SUCLA2: variants seen among roughly 807,000 people sequenced by gnomAD.
SUCLA2 encodes succinate-CoA ligase ADP-forming subunit beta.
Under a neutral mutation model 54.8 loss-of-function variants are expected in SUCLA2, and 30 were observed. The observed-to-expected ratio is 0.55, with a 90% CI of 0.41 to 0.74. The LOEUF (loss-of-function observed/expected upper bound fraction) is 0.74. Ranked by LOEUF, SUCLA2 falls within the 30% of genes least tolerant of loss-of-function variation. The pLI is 0.00. For synonymous variants in SUCLA2, 172 were observed against 188.9 expected, an observed-to-expected ratio of 0.91 and a Z score of 0.74; for missense variants, 476 against 562.9, an observed-to-expected ratio of 0.85 and a Z score of 1.56.
chr13:47,998,637 G>GC (rs1950207250), intron 1 of SUCLA2, among the ~76,000 whole-genome samples: 1 of 152,166 alleles, frequency 6.6e-6, no homozygotes, highest in African/African-American at 2.4e-5. Flanking sequence ...AGAGAAAGAA[G>GC]CCAGAAACAA....
At chr13:47,991,183 C>T (rs769069431) in intron 2 of SUCLA2, among the ~76,000 whole-genome samples, 1 of 152,234 alleles carries the variant, frequency 6.6e-6, no homozygotes, top group Non-Finnish European at 1.5e-5. Context: ...CTACTTAAAA[C>T]CTTGCACTGA....
intron 6 of SUCLA2, among the ~76,000 whole-genome samples, chr13:47,959,507 G>GGAA (rs1263634190): frequency 1.5e-4 from 1 of 6,876 alleles, no homozygotes; most frequent in Non-Finnish European, 4.6e-4. Flanking sequence ...AGCGGGGGGA[G>GGAA]GAGGAGGAGG....
intron 8 of SUCLA2, among the ~76,000 whole-genome samples, chr13:47,951,672 T>C (rs370327622): frequency 1.1e-3 from 173 of 152,294 alleles, no homozygotes; most frequent in Middle Eastern, 6.8e-3. Flanking sequence ...TTCATAAGCC[T>C]TCTATCCCAT....
chr13:47,992,169 T>C (rs1950155006), intron 2 of SUCLA2, among the ~76,000 whole-genome samples: 1 of 152,200 alleles, frequency 6.6e-6, no homozygotes, highest in African/African-American at 2.4e-5. Context: ...TTTACTGAGC[T>C]AAATTCAATC....
chr13:48,000,600 T>C (rs917270067), intron 1 of SUCLA2, among the ~76,000 whole-genome samples: 4 of 152,218 alleles, frequency 2.6e-5, no homozygotes, highest in Admixed American at 1.3e-4. Flanking sequence ...AAAAGATTAT[T>C]TTCTTACCTC....
In SUCLA2 at chr13:47,988,465, A is replaced by C; in HGVS notation, c.534+76T>G. 1.3e-5 allele frequency: 19 copies of C among 1,516,466 alleles called. 1 individual carries two copies. In the South Asian group the frequency reaches 2.1e-4, roughly 17 times the overall value. The allele number at this position is 1,516,466 out of a possible 1,614,324, so 93.9% of individuals were successfully genotyped here. ...GTACTTTTAAAATCTTTCCCACATA[A>C]ATAGAAACAATAATGGACTTTTGAA... On this transcript the variant is annotated intron_variant, in intron 4 of 10. Transcript: ENST00000646932.
At chr13:47,962,651 T>C (rs914104704) in intron 6 of SUCLA2, among the ~76,000 whole-genome samples, 3 of 152,222 alleles carry the variant, frequency 2.0e-5, no homozygotes, top group Non-Finnish European at 4.4e-5. Flanking sequence ...CTTTGATTCC[T>C]GGGTGGCTAC....
chr13:47,975,253 C>G (rs1190138602), intron 4 of SUCLA2, among the ~76,000 whole-genome samples: 1 of 151,932 alleles, frequency 6.6e-6, no homozygotes, highest in East Asian at 1.9e-4. Context: ...CTCCGCCCCC[C>G]AGGTTCAAGG....
chr13:47,948,307 T>C (rs1949749820), intron 10 of SUCLA2, among the ~76,000 whole-genome samples: 1 of 152,294 alleles, frequency 6.6e-6, no homozygotes, highest in East Asian at 1.9e-4. Context: ...TTTTGTTTTT[T>C]CAATATATAT....
At chr13:47,945,774 G>A (rs985604083) in intron 10 of SUCLA2, 6 of 151,880 alleles carry the variant, frequency 4.0e-5, no homozygotes, top group East Asian at 1.9e-4. Context: ...AGAAATTCCA[G>A]AAATAAAAAA....
At chr13:47,994,295 T>C (rs1340806173) in intron 2 of SUCLA2, among the ~76,000 whole-genome samples, 1 of 151,068 alleles carries the variant, frequency 6.6e-6, no homozygotes, top group South Asian at 2.1e-4. Context: ...TTGGGCTGGG[T>C]GCGGTGGCTC....
chr13:47,944,076 C>G (rs117695105), intron 10 of SUCLA2, among the ~76,000 whole-genome samples: 1 of 152,080 alleles, frequency 6.6e-6, no homozygotes, highest in South Asian at 2.1e-4. Context: ...AACTCAGCTT[C>G]TCTCTTCCTC....
chr13:47,967,012 C>T (rs1006359128), intron 6 of SUCLA2, among the ~76,000 whole-genome samples: 5 of 151,874 alleles, frequency 3.3e-5, no homozygotes, highest in African/African-American at 1.2e-4. Context: ...AAAGCAAGAC[C>T]GTGTCTCAAA....
chr13:47,956,291 T>C (rs1374016445), intron 6 of SUCLA2, among the ~76,000 whole-genome samples: 2 of 151,960 alleles, frequency 1.3e-5, no homozygotes, highest in African/African-American at 4.8e-5. Flanking sequence ...AAAAATTCAC[T>C]GGATGAACTT....
intron 1 of SUCLA2, 194 bp downstream of exon 1, chr13:48,000,986 T>A (rs1950226262): frequency 6.2e-6 from 9 of 1,443,028 alleles, no homozygotes; most frequent in Non-Finnish European, 8.2e-6. Flanking sequence ...AAGGGCTGGG[T>A]CAGAGCCGCG....
At chr13:47,943,766 G>GTGTATATATATATATATATATATA (rs1300486540) in intron 10 of SUCLA2, among the ~76,000 whole-genome samples, 13 of 139,652 alleles carry the variant, frequency 9.3e-5, no homozygotes, top group South Asian at 7.1e-4. Flanking sequence ...GTGTGTGTGT[G>GTGTATATATATATATATATATATA]TATATATATA....
At chr13:47,992,598 T>C (rs368641502) in intron 2 of SUCLA2, among the ~76,000 whole-genome samples, 3 of 152,196 alleles carry the variant, frequency 2.0e-5, no homozygotes, top group Non-Finnish European at 4.4e-5. Context: ...CCTGCCCTCA[T>C]AGAACCTGCA....
chr13:47,996,952 T>C lies in SUCLA2; in HGVS notation c.162A>G (p.Ser54=), dbSNP rs1175326596. 2 of 1,613,608 alleles carry C rather than the reference T, an allele frequency of 1.2e-6. No individual in the cohort carries two copies. Among genetic ancestry groups the C allele is most frequent in the African/African-American group, 2.7e-5 (2 of 74,916 alleles). The stretch of plus-strand genomic sequence containing the variant: ...ATTCCATACTCATGTATTCATGTAG[T>C]GAGAGATTCCTTTGCTGTTGCTGCT... ...QVQQQQQRNL[S]LHEYMSMELL... The change falls in exon 2 of 11, where the codon TCA becomes TCG. Residue 54 remains serine (S), a synonymous_variant. Transcript: ENST00000646932.
intron 4 of SUCLA2, among the ~76,000 whole-genome samples, chr13:47,979,762 C>T (rs988999696): frequency 6.6e-6 from 1 of 152,128 alleles, no homozygotes; most frequent in African/African-American, 2.4e-5. Context: ...TTCAACACAG[C>T]ACTAGATGTC....
Sources: allele counts gnomAD v4.1 joint callset (sites outside exome capture counted in the v4.1 genomes callset), GRCh38; gene constraint gnomAD v4.1.1; transcripts MANE v1.5; gene names NCBI Gene and HGNC (gene_info 2026-07-23, HGNC 2026-07-21).